The following ATP9A variants were observed in gnomAD, a reference collection of about 807,000 sequenced individuals.
ATP9A encodes the protein ATPase phospholipid transporting 9A.
Under a neutral mutation model 144.1 loss-of-function variants are expected in ATP9A, and 52 were observed. The ratio of observed to expected loss-of-function variants is 0.36; its 90% CI spans 0.29 to 0.45. The LOEUF is 0.45. Among genes scored for constraint, ATP9A ranks in the 20% least tolerant of loss-of-function variants. The pLI is 1.00. For missense variants in ATP9A, 947 were observed against 1,392.7 expected (o/e 0.68, Z 5.09); for synonymous variants, 582 against 557.4 (o/e 1.04, Z -0.62).
At chr20:51,745,272 A>C (rs1028669086) in intron 1 of ATP9A, among the ~76,000 whole-genome samples, 5 of 143,020 alleles carry the variant, frequency 3.5e-5, no homozygotes, top group African/African-American at 1.0e-4. Context: ...GTCTAAAAAA[A>C]AAAAAAAAAA....
chr20:51,623,310 G>A (rs2077234258), intron 18 of ATP9A, among the ~76,000 whole-genome samples: 2 of 152,182 alleles, frequency 1.3e-5, no homozygotes, highest in Admixed American at 6.5e-5. Context: ...TGAAAAGAAC[G>A]ATCAGGTGCA....
chr20:51,616,902 C>A lies in ATP9A; in HGVS notation c.2415+588G>T, dbSNP rs6091342. On this transcript the variant is annotated intron_variant, in intron 22 of 27. Coordinates refer to ENST00000338821, the MANE Select transcript of ATP9A (RefSeq NM_006045.3). The stretch of plus-strand genomic sequence containing the variant: ...ACAACGCTGACTGTCCCAGAGAAGT[C>A]TGAAGTATACTTACCATACCCTAAG... Among the ~76,000 whole-genome samples the A allele has an allele frequency of 1.2e-4, 18 of 151,350 alleles. No homozygotes were observed. The East Asian group carries it at 3.3e-3, about 28-fold the overall frequency.
chr20:51,767,669 A>C (rs1051267714), intron 1 of ATP9A, among the ~76,000 whole-genome samples: 1 of 152,134 alleles, frequency 6.6e-6, no homozygotes, highest in African/African-American at 2.4e-5. Flanking sequence ...TGGGGGGAGA[A>C]CACAAGGGGT....
chr20:51,668,022 T>C (rs1198393688), intron 13 of ATP9A, among the ~76,000 whole-genome samples: 3 of 141,824 alleles, frequency 2.1e-5, no homozygotes, highest in Non-Finnish European at 3.0e-5. Flanking sequence ...TGAGCTGTGA[T>C]TGCACCACTG....
intron 6 of ATP9A, among the ~76,000 whole-genome samples, chr20:51,694,622 ATGT>A (rs1274818987): frequency 6.6e-6 from 1 of 152,182 alleles, no homozygotes; most frequent in African/African-American, 2.4e-5. Flanking sequence ...CCCTGTAGAG[ATGT>A]TGTGACAATT....
At chr20:51,609,208 C>T (rs1484987819) in intron 24 of ATP9A, among the ~76,000 whole-genome samples, 1 of 152,096 alleles carries the variant, frequency 6.6e-6, no homozygotes. Flanking sequence ...CACGGAAGGT[C>T]GCACGGCGCA....
At chr20:51,603,352 G>A (rs765050972) in intron 27 of ATP9A, among the ~76,000 whole-genome samples, 3 of 152,188 alleles carry the variant, frequency 2.0e-5, no homozygotes, top group Non-Finnish European at 2.9e-5. Context: ...AGTTTGCCCC[G>A]TGCGGGGGAA....
At chr20:51,725,963 A>T in intron 2 of ATP9A, 31 bp from the exon 3 acceptor site, 1 of 1,280,302 alleles carries the variant, frequency 7.8e-7, no homozygotes, top group South Asian at 1.2e-5. Context: ...AGAGAAAGAC[A>T]TTCAGGGCTT....
At chr20:51,624,398 ACT>A (rs1387670652) in intron 18 of ATP9A, among the ~76,000 whole-genome samples, 1 of 152,102 alleles carries the variant, frequency 6.6e-6, no homozygotes, top group Admixed American at 6.5e-5. Flanking sequence ...CCCTTGGTCC[ACT>A]GAGGACCAGG....
chr20:51,658,888 C>CGGTGGTG (rs746874247), intron 13 of ATP9A, among the ~76,000 whole-genome samples: 1 of 54,828 alleles, frequency 1.8e-5, no homozygotes, highest in Non-Finnish European at 3.3e-5. Context: ...AGACCACTGG[C>CGGTGGTG]GGGGGGGGGG....
At chr20:51,683,592 T>C (rs1428029087) in intron 9 of ATP9A, among the ~76,000 whole-genome samples, 1 of 152,126 alleles carries the variant, frequency 6.6e-6, no homozygotes. Flanking sequence ...ATGTTTTTAT[T>C]TTTTGTAGAG....
At chr20:51,645,550 AC>A (rs923007445) in intron 14 of ATP9A, among the ~76,000 whole-genome samples, 4 of 149,400 alleles carry the variant, frequency 2.7e-5, no homozygotes, top group Admixed American at 6.7e-5. Flanking sequence ...CAAAAAAAAA[AC>A]AAGAACGTTC....
Position 51,625,215 on chromosome 20 carries a change from T to C in ATP9A, c.1993A>G (p.Thr665Ala). ...LQADVRPTLE[T>A]LRNAGIKVWM... ...ACCTTGATGCCAGCATTCCTCAGGG[T>C]CTCCAGCGTGGGCCGCACATCTGCC... is the stretch of plus-strand genomic sequence containing the variant. The change falls in exon 18 of 28, where the codon ACC becomes GCC. Residue 665 changes from threonine to alanine, a missense_variant. By Grantham distance (58) the Thr-to-Ala change is moderately conservative (BLOSUM62 0). Around this residue, in one of 2 missense-constraint regions of ATP9A, gnomAD observed 770 missense variants for 1,047.9 expected, o/e 0.73. Coordinates refer to ENST00000338821, the MANE Select transcript of ATP9A (RefSeq NM_006045.3). 6.2e-7 allele frequency: 1 copy of C among 1,613,308 alleles called. No individual in the cohort carries two copies. The highest frequency in any genetic ancestry group is 8.5e-7 in the Non-Finnish European group (1 of 1,179,930).
chr20:51,629,251 T>C lies in ATP9A; in HGVS notation c.1669-179A>G, dbSNP rs1433670176. Reference sequence around the variant, plus strand: ...ATTTAGGGGCAAAGGCTACAGAAAGTAAAAGGAAAACTCAAAGCACTTGGA... The same window carrying C: ...ATTTAGGGGCAAAGGCTACAGAAAGCAAAAGGAAAACTCAAAGCACTTGGA... On this transcript the variant is annotated intron_variant, in intron 15 of 27. Coordinates refer to ENST00000338821, the MANE Select transcript of ATP9A (RefSeq NM_006045.3). 1.3e-5 allele frequency among the ~76,000 whole-genome samples: 2 copies of C among 152,100 alleles called. 1 individual carries two copies. Among genetic ancestry groups the C allele is most frequent in the South Asian group, 4.1e-4 (2 of 4,824 alleles).
chr20:51,672,431 A>C (rs2077459945), intron 11 of ATP9A, among the ~76,000 whole-genome samples: 1 of 152,148 alleles, frequency 6.6e-6, no homozygotes, highest in Non-Finnish European at 1.5e-5. Flanking sequence ...TAATCATGTT[A>C]CATGTAGAAC....
chr20:51,741,301 C>T (rs1303253115), intron 1 of ATP9A, among the ~76,000 whole-genome samples: 2 of 152,186 alleles, frequency 1.3e-5, no homozygotes, highest in East Asian at 3.9e-4. Flanking sequence ...AGCTCACAGG[C>T]CAGGCGCGGT....
chr20:51,694,357 T>C (rs1023423822), intron 6 of ATP9A, among the ~76,000 whole-genome samples: 3 of 152,190 alleles, frequency 2.0e-5, no homozygotes, highest in Non-Finnish European at 4.4e-5. Flanking sequence ...AGCTTTAGTG[T>C]CTGTAAAACG....
chr20:51,762,009 A>G (rs750613801), intron 1 of ATP9A, among the ~76,000 whole-genome samples: 5 of 151,746 alleles, frequency 3.3e-5, no homozygotes, highest in Non-Finnish European at 7.4e-5. Context: ...GCCTCTCCCA[A>G]TCTTTCTCTT....
chr20:51,729,192 C>T (rs2426392), intron 2 of ATP9A, among the ~76,000 whole-genome samples: 15,348 of 152,226 alleles, frequency 0.1, 965 homozygotes, highest in South Asian at 0.19. Context: ...TGCTGACATT[C>T]TTTTCTGCTG....
Sources: gnomAD v4.1 joint callset for allele counts (sites outside exome capture counted in the v4.1 genomes callset) on GRCh38, gnomAD v4.1.1 for gene constraint, gnomAD v4.1.1 regional missense constraint, MANE v1.5 for transcripts, NCBI Gene and HGNC (gene_info 2026-07-23, HGNC 2026-07-21) for gene names.